DCC: variants seen among roughly 807,000 people sequenced by gnomAD.
The protein encoded by DCC is DCC netrin 1 receptor, also known as netrin receptor DCC.
In DCC, 58 loss-of-function variants were observed where a neutral mutation model predicts 172.5. The observed-to-expected ratio is 0.34, with a 90% CI of 0.27 to 0.42. DCC has a LOEUF of 0.42. DCC is among the 10% of genes least tolerant of loss of function. The pLI is 1.00. For missense variants in DCC, 1,740 were observed against 1,791.0 expected (o/e 0.97, Z 0.51); for synonymous variants, 709 against 644.5 (o/e 1.10, Z -1.52).
intron 1 of DCC, among the ~76,000 whole-genome samples, chr18:52,518,304 G>A (rs2031702156): frequency 1.3e-5 from 2 of 152,182 alleles, no homozygotes; most frequent in African/African-American, 4.8e-5. Context: ...GTGCTGGGAG[G>A]GGTCAGGGTA....
At chr18:52,684,075 A>G (rs1420138800) in intron 1 of DCC, among the ~76,000 whole-genome samples, 3 of 152,142 alleles carry the variant, frequency 2.0e-5, no homozygotes, top group Non-Finnish European at 4.4e-5. Context: ...CTTAAAAACG[A>G]TAAGCCAAAA....
intron 2 of DCC, among the ~76,000 whole-genome samples, chr18:52,853,572 C>T (rs2039009221): frequency 6.6e-6 from 1 of 152,134 alleles, no homozygotes; most frequent in African/African-American, 2.4e-5. Context: ...GGGAGGTCTC[C>T]AATGATGCTG....
chr18:53,311,582 T>G (rs1233285483), intron 13 of DCC, among the ~76,000 whole-genome samples: 1 of 152,250 alleles, frequency 6.6e-6, no homozygotes, highest in Non-Finnish European at 1.5e-5. Flanking sequence ...GTTCACTTTA[T>G]TGTGAGTGAT....
At chr18:52,795,204 TGTTA>T (rs2037849427) in intron 2 of DCC, among the ~76,000 whole-genome samples, 1 of 152,082 alleles carries the variant, frequency 6.6e-6, no homozygotes, top group Admixed American at 6.6e-5. Context: ...GAATAATCTG[TGTTA>T]GTTCTTCATA....
chr18:52,391,649 T>G (rs1338814329), intron 1 of DCC, among the ~76,000 whole-genome samples: 1 of 152,072 alleles, frequency 6.6e-6, no homozygotes, highest in South Asian at 2.1e-4. Context: ...CTGCCCTAGT[T>G]CAAGGGGACT....
intron 7 of DCC, among the ~76,000 whole-genome samples, chr18:53,156,843 T>C (rs6508197): frequency 0.42 from 63,871 of 152,040 alleles, 14,182 homozygotes; most frequent in East Asian, 0.71. Context: ...TATCCATATT[T>C]TTACTTATTC....
Position 53,305,558 on chromosome 18 carries a change from T to A in DCC, c.1912-20T>A. ...TCCTTTCTTTCTTCAATGTTTTAAT[T>A]TACACCTATTATTTTACAGAGTATC... On this transcript the variant is annotated intron_variant, in intron 12 of 28. Coordinates refer to ENST00000442544, the MANE Select transcript of DCC (RefSeq NM_005215.4). The A allele has an allele frequency of 6.3e-7, 1 of 1,599,482 alleles. No homozygotes were observed. The highest frequency in any genetic ancestry group is 1.1e-5 in the South Asian group (1 of 90,772).
At chr18:52,967,051 A>C (rs1568216570) in intron 5 of DCC, among the ~76,000 whole-genome samples, 1 of 152,116 alleles carries the variant, frequency 6.6e-6, no homozygotes, top group Non-Finnish European at 1.5e-5. Context: ...AGGTGCTCAG[A>C]AGCAGCATGC....
intron 25 of DCC, among the ~76,000 whole-genome samples, chr18:53,485,802 G>A (rs1425788755): frequency 6.6e-6 from 1 of 151,950 alleles, no homozygotes; most frequent in East Asian, 1.9e-4. Flanking sequence ...AGTGTAATTT[G>A]TATCTACAAT....
At chr18:52,884,650 C>T (rs1000370781) in intron 2 of DCC, among the ~76,000 whole-genome samples, 1 of 152,100 alleles carries the variant, frequency 6.6e-6, no homozygotes, top group Non-Finnish European at 1.5e-5. Context: ...ATTTTGAATT[C>T]TCTGTCTGAA....
intron 2 of DCC, among the ~76,000 whole-genome samples, chr18:52,812,018 G>A (rs1305270572): frequency 6.6e-6 from 1 of 152,176 alleles, no homozygotes; most frequent in Non-Finnish European, 1.5e-5. Context: ...TTTGGATTAG[G>A]ATTGAGAGCC....
At chr18:53,136,096 C>G (rs956190899) in intron 7 of DCC, among the ~76,000 whole-genome samples, 2 of 150,080 alleles carry the variant, frequency 1.3e-5, no homozygotes, top group African/African-American at 5.0e-5. Flanking sequence ...TTGAGCTGAA[C>G]AGAAATGTAA....
At chr18:52,472,305 C>T (rs1988970358) in intron 1 of DCC, among the ~76,000 whole-genome samples, 2 of 152,128 alleles carry the variant, frequency 1.3e-5, no homozygotes, top group Admixed American at 1.3e-4. Flanking sequence ...AGCTTCCTTC[C>T]CTTTTCAGGC....
intron 9 of DCC, among the ~76,000 whole-genome samples, chr18:53,184,350 AG>A (rs2055246683): frequency 6.6e-6 from 1 of 152,096 alleles, no homozygotes; most frequent in Admixed American, 6.5e-5. Flanking sequence ...GTGTCACTTA[AG>A]GAAGGAAATA....
chr18:52,880,186 C>T (rs117384601), intron 2 of DCC, among the ~76,000 whole-genome samples: 2,300 of 151,894 alleles, frequency 0.015, 43 homozygotes, highest in African/African-American at 0.039. Context: ...GGCTGGAGTG[C>T]AGTGGTGCAT....
At chr18:52,649,896 G>T (rs188010624) in intron 1 of DCC, among the ~76,000 whole-genome samples, 1 of 152,088 alleles carries the variant, frequency 6.6e-6, no homozygotes, top group Non-Finnish European at 1.5e-5. Flanking sequence ...TGAGTGCAGG[G>T]ATCTTCTTTA....
chr18:53,514,677 A>G (rs1373330978), intron 27 of DCC, among the ~76,000 whole-genome samples: 1 of 152,114 alleles, frequency 6.6e-6, no homozygotes, highest in South Asian at 2.1e-4. Flanking sequence ...ACACCTCTAC[A>G]CAAATAAACT....
At chr18:53,347,276 C>T (rs1033279494) in intron 15 of DCC, among the ~76,000 whole-genome samples, 1 of 152,188 alleles carries the variant, frequency 6.6e-6, no homozygotes, top group South Asian at 2.1e-4. Flanking sequence ...GTCGCTTCAT[C>T]AAGATCTTAC....
At chr18:52,868,077 G>GTATA (rs1365515503) in intron 2 of DCC, among the ~76,000 whole-genome samples, 5 of 120,404 alleles carry the variant, frequency 4.2e-5, no homozygotes, top group East Asian at 2.1e-4. Flanking sequence ...GTGTGTGTGT[G>GTATA]TATATATGTG....
Sources: gnomAD v4.1 joint callset for allele counts (sites outside exome capture counted in the v4.1 genomes callset) on GRCh38, gnomAD v4.1.1 for gene constraint, MANE v1.5 for transcripts, NCBI Gene and HGNC (gene_info 2026-07-23, HGNC 2026-07-21) for gene names.